SEMA3E: variants seen among roughly 807,000 people sequenced by gnomAD.
SEMA3E encodes semaphorin 3E, also known as semaphorin-3E.
In SEMA3E, 49 loss-of-function variants were observed where a neutral mutation model predicts 93.6. That is an observed-to-expected ratio of 0.52 (90% CI 0.42 to 0.66). The LOEUF (loss-of-function observed/expected upper bound fraction) is 0.66. Among genes scored for constraint, SEMA3E ranks in the 30% least tolerant of loss-of-function variants. The pLI is 0.00. For synonymous variants in SEMA3E, 363 were observed against 330.7 expected (o/e 1.10, Z -1.06); for missense variants, 906 against 964.8 (o/e 0.94, Z 0.81).
Position 83,410,353 on chromosome 7 carries a change from GAT to G in SEMA3E, c.551-1868_551-1867del, listed in dbSNP as rs539635152. ...TTCAAGATCACAGAGTTTTTAAAAA[GAT>G]ATATTTGTTGAGTTCTTCTAGTATA... is the stretch of plus-strand genomic sequence containing the variant. On this transcript the variant is annotated intron_variant, in intron 5 of 16. Coordinates refer to ENST00000643230, the MANE Select transcript of SEMA3E (RefSeq NM_012431.3). Among the ~76,000 whole-genome samples, 408 of 152,048 alleles carry G rather than the reference GAT, an allele frequency of 2.7e-3. 2 individuals are homozygous for G. Among genetic ancestry groups the G allele is most frequent in the African/African-American group, 9.4e-3 (390 of 41,538 alleles).
intron 2 of SEMA3E, among the ~76,000 whole-genome samples, chr7:83,469,510 CT>C (rs1327654470): frequency 3.3e-5 from 5 of 150,304 alleles, no homozygotes; most frequent in African/African-American, 9.8e-5. Flanking sequence ...ATGATAAATC[CT>C]TTTTTTTCTT....
chr7:83,628,281 C>A (rs115007889), intron 1 of SEMA3E, among the ~76,000 whole-genome samples: 1,912 of 151,612 alleles, frequency 0.013, 23 homozygotes, highest in South Asian at 0.045. Context: ...GGTTGCTCTT[C>A]TCAAGGTTAT....
intron 1 of SEMA3E, among the ~76,000 whole-genome samples, chr7:83,608,421 C>A (rs999598265): frequency 2.0e-5 from 3 of 151,972 alleles, no homozygotes; most frequent in Non-Finnish European, 4.4e-5. Context: ...ATTCATAATC[C>A]TACTACTCTT....
chr7:83,575,354 T>C (rs542977130), intron 1 of SEMA3E, among the ~76,000 whole-genome samples: 5 of 151,858 alleles, frequency 3.3e-5, no homozygotes, highest in African/African-American at 9.7e-5. Context: ...TCTATGACTA[T>C]GAGATTCTCA....
intron 1 of SEMA3E, among the ~76,000 whole-genome samples, chr7:83,542,864 G>A (rs1791566515): frequency 6.6e-6 from 1 of 152,060 alleles, no homozygotes; most frequent in South Asian, 2.1e-4. Flanking sequence ...GGTAGATCTT[G>A]AAAAACTTTT....
intron 1 of SEMA3E, among the ~76,000 whole-genome samples, chr7:83,630,892 C>T (rs922338033): frequency 7.2e-5 from 11 of 152,044 alleles, no homozygotes; most frequent in Non-Finnish European, 1.0e-4. Flanking sequence ...ATATTTTTAA[C>T]GCATAAAGTC....
At chr7:83,507,473 T>TGTGA (rs1491534015) in intron 1 of SEMA3E, among the ~76,000 whole-genome samples, 4 of 138,170 alleles carry the variant, frequency 2.9e-5, no homozygotes, top group African/African-American at 5.6e-5. Flanking sequence ...TGTGTGTGTG[T>TGTGA]GAAAGGGAGA....
intron 4 of SEMA3E, among the ~76,000 whole-genome samples, chr7:83,455,577 C>G (rs908174158): frequency 3.3e-5 from 5 of 152,206 alleles, no homozygotes; most frequent in African/African-American, 1.2e-4. Flanking sequence ...CTGTACGACA[C>G]GATCCCCTTC....
intron 2 of SEMA3E, among the ~76,000 whole-genome samples, chr7:83,472,894 TC>T (rs2115905503): frequency 6.6e-6 from 1 of 152,252 alleles, no homozygotes; most frequent in East Asian, 1.9e-4. Flanking sequence ...AAGGGGCTGT[TC>T]CCCCTTGGCT....
intron 12 of SEMA3E, 75 bp from the exon 13 acceptor site, chr7:83,394,413 T>A: frequency 2.5e-6 from 3 of 1,180,272 alleles, no homozygotes; most frequent in Non-Finnish European, 3.7e-6. Flanking sequence ...TGTAAACCCC[T>A]GAAATTACAT....
intron 4 of SEMA3E, among the ~76,000 whole-genome samples, chr7:83,447,165 T>A (rs909623033): frequency 1.3e-5 from 2 of 152,206 alleles, no homozygotes; most frequent in East Asian, 1.9e-4. Flanking sequence ...ATCTATATAC[T>A]GATCAATTAA....
At chr7:83,594,796 C>A (rs1253262751) in intron 1 of SEMA3E, among the ~76,000 whole-genome samples, 1 of 151,944 alleles carries the variant, frequency 6.6e-6, no homozygotes, top group Non-Finnish European at 1.5e-5. Flanking sequence ...GGTATAGTAT[C>A]CAGAATTTGC....
intron 1 of SEMA3E, among the ~76,000 whole-genome samples, chr7:83,546,298 T>C (rs1374259629): frequency 6.8e-6 from 1 of 146,172 alleles, no homozygotes; most frequent in Non-Finnish European, 1.5e-5. Context: ...TAATGAAACA[T>C]GTTAAGATGC....
intron 1 of SEMA3E, among the ~76,000 whole-genome samples, chr7:83,504,112 C>G (rs924876447): frequency 6.6e-6 from 1 of 152,080 alleles, no homozygotes; most frequent in Non-Finnish European, 1.5e-5. Context: ...AATGGTTGCA[C>G]CTTTAAAAAT....
At chr7:83,635,448 T>C (rs966828013) in intron 1 of SEMA3E, among the ~76,000 whole-genome samples, 17 of 151,846 alleles carry the variant, frequency 1.1e-4, no homozygotes, top group African/African-American at 4.1e-4. Context: ...CTCTTTATAA[T>C]AATAAGGTAT....
intron 4 of SEMA3E, among the ~76,000 whole-genome samples, chr7:83,433,863 C>G (rs1217463074): frequency 6.6e-6 from 1 of 151,992 alleles, no homozygotes; most frequent in African/African-American, 2.4e-5. Flanking sequence ...GACATAAGAA[C>G]AGTTAAACAC....
At position 83,518,465 on chromosome 7, in the gene SEMA3E, T is replaced by C. The variant is rs190846327; in HGVS notation, c.116-28191A>G. Among the ~76,000 whole-genome samples, 8 of 152,124 alleles carry C rather than the reference T, an allele frequency of 5.3e-5. No individual in the cohort carries two copies. The East Asian group carries it at 1.5e-3, about 29-fold the overall frequency. On this transcript the variant is annotated intron_variant, in intron 1 of 16. Transcript: ENST00000643230. ...ATAGATTGGAAAAGTTGTATAGAAATGGGCTTTGGTTTCAGTCTAATGTGG... is the reference window on the plus strand; with the variant it reads ...ATAGATTGGAAAAGTTGTATAGAAACGGGCTTTGGTTTCAGTCTAATGTGG...
chr7:83,383,089 C>T (rs1380932195), intron 16 of SEMA3E, among the ~76,000 whole-genome samples: 1 of 151,908 alleles, frequency 6.6e-6, no homozygotes, highest in East Asian at 1.9e-4. Flanking sequence ...AAATTAATGA[C>T]TTCTCTTTGT....
chr7:83,403,503 T>C (rs1788269695), intron 9 of SEMA3E, among the ~76,000 whole-genome samples: 1 of 152,000 alleles, frequency 6.6e-6, no homozygotes, highest in African/African-American at 2.4e-5. Context: ...TTATTGAAGA[T>C]ATTTGTAATC....
Sources: allele counts gnomAD v4.1 joint callset (sites outside exome capture counted in the v4.1 genomes callset), GRCh38; gene constraint gnomAD v4.1.1; transcripts MANE v1.5; gene names NCBI Gene and HGNC (gene_info 2026-07-23, HGNC 2026-07-21).